The following RNLS variants were observed in gnomAD, a reference collection of about 807,000 sequenced individuals.
The protein encoded by RNLS is renalase.
RNLS carries 39 observed loss-of-function variants against 39.8 expected under a neutral mutation model. The observed-to-expected ratio is 0.98, with a 90% confidence interval of 0.76 to 1.28. The LOEUF (loss-of-function observed/expected upper bound fraction) is 1.28, where lower values mean the gene tolerates loss of function less well. Ranked by LOEUF, RNLS falls within the 50% of genes most tolerant of loss-of-function variation. RNLS has a pLI of 0.00. For synonymous variants in RNLS, 147 were observed against 150.7 expected (o/e 0.98, Z 0.18); for missense variants, 410 against 413.3 (o/e 0.99, Z 0.07).
the RNLS span, among the ~76,000 whole-genome samples, chr10:88,184,630 C>T: frequency 2.6e-5 from 4 of 152,202 alleles, no homozygotes; most frequent in East Asian, 7.7e-4. Flanking sequence ...GTTAAGATGA[C>T]CCATCTTTTG....
At chr10:88,554,037 A>G (rs771408023) in intron 4 of RNLS, among the ~76,000 whole-genome samples, 3 of 152,040 alleles carry the variant, frequency 2.0e-5, no homozygotes, top group Admixed American at 6.6e-5. Flanking sequence ...TCCTTTTTTT[A>G]TAAAAATATA....
Position 88,304,783 on chromosome 10 carries a change from A to G in RNLS, c.876+9683T>C, listed in dbSNP as rs114080758. On this transcript the variant is annotated intron_variant, in intron 6 of 6. Transcript: ENST00000331772. Reference sequence around the variant, plus strand: ...GAAAACATATTTCAGGACATTGTCCATGAGAGCCTCCCCATCCTAGCTAGA... The same window carrying G: ...GAAAACATATTTCAGGACATTGTCCGTGAGAGCCTCCCCATCCTAGCTAGA... Among the ~76,000 whole-genome samples the G allele has an allele frequency of 9.3e-3, 1,412 of 152,340 alleles. 22 individuals carry two copies. Among genetic ancestry groups the G allele is most frequent in the African/African-American group, 0.032 (1,330 of 41,570 alleles).
intron 4 of RNLS, among the ~76,000 whole-genome samples, chr10:88,441,547 G>C (rs1461154160): frequency 6.6e-6 from 1 of 152,172 alleles, no homozygotes; most frequent in East Asian, 1.9e-4. Context: ...TGCTAGGTTT[G>C]GGATGCCTGT....
At chr10:88,207,250 A>G in the RNLS span, among the ~76,000 whole-genome samples, 7 of 152,292 alleles carry the variant, frequency 4.6e-5, no homozygotes, top group South Asian at 2.1e-4. Flanking sequence ...CAAGTTACAG[A>G]TGGGCAGAAA....
At chr10:88,424,184 C>G (rs1323279804) in intron 4 of RNLS, among the ~76,000 whole-genome samples, 1 of 152,124 alleles carries the variant, frequency 6.6e-6, no homozygotes, top group Non-Finnish European at 1.5e-5. Flanking sequence ...TTTGCTTGTT[C>G]CACCAACATG....
At chr10:88,495,351 G>A (rs535418839) in intron 4 of RNLS, among the ~76,000 whole-genome samples, 1 of 152,234 alleles carries the variant, frequency 6.6e-6, no homozygotes, top group South Asian at 2.1e-4. Flanking sequence ...ATCTTTAGCT[G>A]CAAGAGGGAG....
chr10:88,212,821 A>G, the RNLS span, among the ~76,000 whole-genome samples: 25 of 152,318 alleles, frequency 1.6e-4, no homozygotes, highest in Non-Finnish European at 2.9e-4. Context: ...TAGTTGGCAC[A>G]TGTCTTGCCC....
chr10:88,300,705 C>G (rs1217924856), intron 6 of RNLS, among the ~76,000 whole-genome samples: 1 of 152,186 alleles, frequency 6.6e-6, no homozygotes, highest in African/African-American at 2.4e-5. Flanking sequence ...AGGAAGGGAG[C>G]TGTCTTTGAG....
intron 5 of RNLS, among the ~76,000 whole-genome samples, chr10:88,361,110 T>C (rs908443863): frequency 6.6e-6 from 1 of 152,190 alleles, no homozygotes; most frequent in African/African-American, 2.4e-5. Context: ...TGTCCTCACA[T>C]GGTGTGTGCA....
intron 4 of RNLS, among the ~76,000 whole-genome samples, chr10:88,433,276 A>T (rs1193856016): frequency 1.3e-5 from 2 of 152,026 alleles, no homozygotes; most frequent in Non-Finnish European, 2.9e-5. Context: ...TGAAAGATGA[A>T]AAATTCCAGT....
chr10:88,336,842 T>C (rs1847539070), intron 5 of RNLS, among the ~76,000 whole-genome samples: 1 of 152,180 alleles, frequency 6.6e-6, no homozygotes, highest in Non-Finnish European at 1.5e-5. Flanking sequence ...CTACTGATTG[T>C]AGTTGCATTC....
chr10:88,344,093 G>T (rs1848151292), intron 5 of RNLS, among the ~76,000 whole-genome samples: 2 of 152,222 alleles, frequency 1.3e-5, no homozygotes, highest in South Asian at 4.1e-4. Flanking sequence ...ATTATGATTG[G>T]ACTATTTTCC....
chr10:88,488,185 CATTAA>C (rs1306855183), intron 4 of RNLS, among the ~76,000 whole-genome samples: 1 of 152,012 alleles, frequency 6.6e-6, no homozygotes, highest in Non-Finnish European at 1.5e-5. Context: ...TAATATAAAA[CATTAA>C]ATTATATACT....
intron 4 of RNLS, among the ~76,000 whole-genome samples, chr10:88,389,418 C>T (rs1450953330): frequency 6.6e-6 from 1 of 152,006 alleles, no homozygotes; most frequent in East Asian, 1.9e-4. Context: ...CAAAGTTGTG[C>T]TTGAGAGTGA....
chr10:88,285,243 A>G lies in RNLS; in HGVS notation c.*111T>C. On this transcript the variant is annotated 3_prime_UTR_variant, in exon 7 of 7. Transcript: ENST00000331772. ...CCACATGAAAAATGATAATAAGTGAAGAACAATTTTCCAGTAATTTTTCTT... is the reference window on the plus strand; with the variant it reads ...CCACATGAAAAATGATAATAAGTGAGGAACAATTTTCCAGTAATTTTTCTT... The G allele has an allele frequency of 7.1e-7, 1 of 1,406,126 alleles. No individual in the cohort carries two copies. The highest frequency in any genetic ancestry group is 9.3e-7 in the Non-Finnish European group (1 of 1,077,184). 87.1% of individuals were successfully genotyped at this position (1,406,126 alleles called of 1,614,324 possible). A position where few individuals can be genotyped will look rare whatever the true frequency, so the allele number is the denominator to read the frequency against.
intron 5 of RNLS, among the ~76,000 whole-genome samples, chr10:88,328,106 C>T (rs1409110926): frequency 2.0e-5 from 3 of 152,148 alleles, no homozygotes; most frequent in Admixed American, 2.0e-4. Flanking sequence ...CAGGGTTTCG[C>T]CATGTTGGCC....
chr10:88,266,889 A>C, the RNLS span, among the ~76,000 whole-genome samples: 1 of 152,208 alleles, frequency 6.6e-6, no homozygotes, highest in Non-Finnish European at 1.5e-5. Context: ...ATCAGAGCAC[A>C]AAAGCTGGGC....
chr10:88,309,828 G>A (rs1845223100), intron 6 of RNLS, among the ~76,000 whole-genome samples: 1 of 152,166 alleles, frequency 6.6e-6, no homozygotes, highest in African/African-American at 2.4e-5. Context: ...GGAATGAGAA[G>A]AGAGCTTTCC....
chr10:88,209,267 G>C, the RNLS span, among the ~76,000 whole-genome samples: 1 of 152,090 alleles, frequency 6.6e-6, no homozygotes, highest in Non-Finnish European at 1.5e-5. Flanking sequence ...TTTGGAAATA[G>C]GGACATTGCA....
Sources: allele counts gnomAD v4.1 joint callset (sites outside exome capture counted in the v4.1 genomes callset), GRCh38; gene constraint gnomAD v4.1.1; transcripts MANE v1.5; gene names NCBI Gene and HGNC (gene_info 2026-07-23, HGNC 2026-07-21).